The following TGFBR1 variants were observed in gnomAD, a reference collection of about 807,000 sequenced individuals.
The protein encoded by TGFBR1 is transforming growth factor beta receptor 1.
Under a neutral mutation model 55.1 loss-of-function variants are expected in TGFBR1, and 20 were observed. That is an observed-to-expected ratio of 0.36 (90% confidence interval 0.26 to 0.53). The LOEUF is 0.53. TGFBR1 is among the 20% of genes least tolerant of loss of function. The pLI is 0.91. For synonymous variants in TGFBR1, 220 were observed against 214.8 expected (o/e 1.02, Z -0.21); for missense variants, 385 against 617.6 (o/e 0.62, Z 3.99).
chr9:99,132,886 C>T (rs183165306), intron 3 of TGFBR1, 147 bp downstream of exon 3: 27 of 1,151,680 alleles, frequency 2.3e-5, no homozygotes, highest in Non-Finnish European at 3.1e-5. Context: ...AATCTTTAAG[C>T]TTGATGTATA....
intron 6 of TGFBR1, among the ~76,000 whole-genome samples, chr9:99,145,617 G>T (rs1027152392): frequency 7.9e-5 from 12 of 152,170 alleles, no homozygotes; most frequent in Non-Finnish European, 1.8e-4. Flanking sequence ...AATTAGGTAG[G>T]TGTTATTACC....
At chr9:99,145,483 A>G (rs756049358) in intron 6 of TGFBR1, among the ~76,000 whole-genome samples, 8 of 152,168 alleles carry the variant, frequency 5.3e-5, no homozygotes, top group Admixed American at 2.0e-4. Context: ...TTATTTGCCT[A>G]TATATTCTAT....
rs555287700 is a variant in TGFBR1, at chr9:99,137,738, T to A, written c.575-121T>A. The stretch of plus-strand genomic sequence containing the variant: ...CAAATATAATATCTCCCCAGTGAGA[T>A]AAATTCCTAAAGGGATAGCTTAAAG... On this transcript the variant is annotated intron_variant, in intron 3 of 8. Transcript: ENST00000374994. 88 of 750,842 alleles carry A rather than the reference T, an allele frequency of 1.2e-4. No homozygotes were observed. The East Asian group carries it at 2.0e-3, about 17-fold the overall frequency. The allele number at this position is 750,842 out of a possible 1,614,324, so 46.5% of individuals were successfully genotyped here.
intron 6 of TGFBR1, 44 bp from the exon 7 acceptor site, chr9:99,146,441 G>A (rs751543057): frequency 6.2e-7 from 1 of 1,612,794 alleles, no homozygotes; most frequent in Admixed American, 1.7e-5. Context: ...AAATATGGCA[G>A]TAAGGGGATG....
intron 8 of TGFBR1, among the ~76,000 whole-genome samples, chr9:99,148,926 C>T (rs1469233136): frequency 6.6e-6 from 1 of 152,044 alleles, no homozygotes; most frequent in African/African-American, 2.4e-5. Context: ...TTGCTTTGCC[C>T]AGCTCTGGTT....
intron 5 of TGFBR1, among the ~76,000 whole-genome samples, chr9:99,142,953 G>A (rs1393881298): frequency 6.6e-6 from 1 of 152,152 alleles, no homozygotes; most frequent in Non-Finnish European, 1.5e-5. Flanking sequence ...CAGCTACTCA[G>A]GGGGCTGAGG....
At position 99,147,285 on chromosome 9, in the gene TGFBR1, A is replaced by G. The variant is rs10988728; in HGVS notation, c.1256-369A>G. ...ACTTGCCTCATAAGATTCAAGTCTCACTGATAGGGTATATATATCCCTGTG... is the reference window on the plus strand; with the variant it reads ...ACTTGCCTCATAAGATTCAAGTCTCGCTGATAGGGTATATATATCCCTGTG... On this transcript the variant is annotated intron_variant, in intron 7 of 8. Coordinates refer to ENST00000374994, the MANE Select transcript of TGFBR1 (RefSeq NM_004612.4). Among the ~76,000 whole-genome samples, 1,341 of 152,326 alleles carry G rather than the reference A, an allele frequency of 8.8e-3. 7 individuals are homozygous for G. The highest frequency in any genetic ancestry group is 0.036 in the East Asian group (187 of 5,190).
intron 3 of TGFBR1, among the ~76,000 whole-genome samples, chr9:99,137,616 C>CT (rs1417079900): frequency 3.3e-5 from 5 of 152,200 alleles, no homozygotes; most frequent in Admixed American, 2.6e-4. Flanking sequence ...ATTCAACTTA[C>CT]TTTTACAAAG....
At chr9:99,127,603 G>A (rs900345407) in intron 1 of TGFBR1, among the ~76,000 whole-genome samples, 6 of 152,186 alleles carry the variant, frequency 3.9e-5, no homozygotes, top group African/African-American at 1.4e-4. Flanking sequence ...ACTCAGTCCT[G>A]CTGAGTTAAC....
chr9:99,132,123 C>G (rs1413907800), intron 2 of TGFBR1, among the ~76,000 whole-genome samples: 1 of 151,024 alleles, frequency 6.6e-6, no homozygotes, highest in African/African-American at 2.4e-5. Flanking sequence ...GGCCTTGGAA[C>G]AAGAAGACAA....
At chr9:99,114,836 A>T (rs1406263179) in intron 1 of TGFBR1, among the ~76,000 whole-genome samples, 3 of 152,126 alleles carry the variant, frequency 2.0e-5, no homozygotes, top group African/African-American at 7.2e-5. Context: ...TTTACCTTCA[A>T]ACAGGTGCAA....
intron 4 of TGFBR1, among the ~76,000 whole-genome samples, chr9:99,141,265 G>T (rs1322440576): frequency 1.3e-5 from 2 of 152,222 alleles, no homozygotes; most frequent in African/African-American, 4.8e-5. Flanking sequence ...GTCAGAATCA[G>T]TTTATAAAGT....
chr9:99,135,852 CTTTTTTTTTTT>C (rs397954803), intron 3 of TGFBR1, among the ~76,000 whole-genome samples: 2 of 125,968 alleles, frequency 1.6e-5, no homozygotes, highest in African/African-American at 6.0e-5. Context: ...AAAATTGTTA[CTTTTTTTTTTT>C]TTTTTTTTGG....
chr9:99,130,025 T>TACC (rs1290004589), intron 2 of TGFBR1, among the ~76,000 whole-genome samples: 13 of 152,208 alleles, frequency 8.5e-5, no homozygotes, highest in Non-Finnish European at 2.9e-5. Context: ...ATTTAACTCT[T>TACC]ACCTCTTTCC....
intron 1 of TGFBR1, among the ~76,000 whole-genome samples, chr9:99,108,135 C>T (rs1564124797): frequency 6.6e-6 from 1 of 152,124 alleles, no homozygotes; most frequent in Non-Finnish European, 1.5e-5. Flanking sequence ...TTGAGCATTC[C>T]TTTAATATTT....
At chr9:99,116,666 A>G (rs1323974067) in intron 1 of TGFBR1, among the ~76,000 whole-genome samples, 2 of 152,182 alleles carry the variant, frequency 1.3e-5, no homozygotes, top group East Asian at 3.9e-4. Flanking sequence ...TTATCTTTTA[A>G]TAACCAACCC....
At chr9:99,134,488 T>G (rs1233229854) in intron 3 of TGFBR1, among the ~76,000 whole-genome samples, 1 of 152,158 alleles carries the variant, frequency 6.6e-6, no homozygotes, top group Non-Finnish European at 1.5e-5. Context: ...CCATTTATTC[T>G]CAGTTCAGAT....
chr9:99,132,692 C>G lies in TGFBR1; in HGVS notation c.527C>G (p.Thr176Arg). ...CGCCCTTTTATTTCAGAGGGTACTA[C>G]GTTGAAAGACTTAATTTATGATATG... ...LDRPFISEGT[T>R]LKDLIYDMTT... is the part of the protein sequence containing the mutation. The change falls in exon 3 of 9, where the codon ACG becomes AGG. Residue 176 changes from threonine to arginine, a missense_variant. Coordinates refer to ENST00000374994, the MANE Select transcript of TGFBR1 (RefSeq NM_004612.4). 1 of 1,614,090 alleles carries G rather than the reference C, an allele frequency of 6.2e-7. No individual in the cohort carries two copies. The highest frequency in any genetic ancestry group is 8.5e-7 in the Non-Finnish European group (1 of 1,180,000).
At chr9:99,111,295 CTTTTTTT>C (rs3034196) in intron 1 of TGFBR1, among the ~76,000 whole-genome samples, 1,061 of 55,020 alleles carry the variant, frequency 0.019, 4 homozygotes, top group Non-Finnish European at 0.024. Flanking sequence ...TGCACCCATG[CTTTTTTT>C]TTTTTTTTTT....
Sources: gnomAD v4.1 joint callset for allele counts (sites outside exome capture counted in the v4.1 genomes callset) on GRCh38, gnomAD v4.1.1 for gene constraint, MANE v1.5 for transcripts, NCBI Gene and HGNC (gene_info 2026-07-23, HGNC 2026-07-21) for gene names.